The following DCC variants were observed in gnomAD, a reference collection of about 807,000 sequenced individuals.
The protein encoded by DCC is netrin receptor DCC.
DCC carries 58 observed loss-of-function variants against 172.5 expected under a neutral mutation model. The ratio of observed to expected loss-of-function variants is 0.34; its 90% confidence interval spans 0.27 to 0.42. The LOEUF (loss-of-function observed/expected upper bound fraction) is 0.42. Among genes scored for constraint, DCC ranks in the 10% least tolerant of loss-of-function variants. The pLI is 1.00. For missense variants in DCC, 1,740 were observed against 1,791.0 expected (o/e 0.97, Z 0.51); for synonymous variants, 709 against 644.5 (o/e 1.10, Z -1.52).
chr18:53,129,938 C>G (rs564658463), intron 7 of DCC, among the ~76,000 whole-genome samples: 15 of 152,140 alleles, frequency 9.9e-5, no homozygotes, highest in African/African-American at 3.1e-4. Context: ...TACAACATAA[C>G]TAAAATAAAA....
intron 1 of DCC, among the ~76,000 whole-genome samples, chr18:52,467,840 TGTC>T (rs1988831900): frequency 6.6e-6 from 1 of 152,246 alleles, no homozygotes; most frequent in Non-Finnish European, 1.5e-5. Flanking sequence ...GCCGCATAAA[TGTC>T]TTCTTTTGAG....
intron 1 of DCC, among the ~76,000 whole-genome samples, chr18:52,434,504 T>C (rs1490162651): frequency 6.6e-6 from 1 of 152,234 alleles, no homozygotes; most frequent in Non-Finnish European, 1.5e-5. Context: ...CCTACAAAAC[T>C]ATTTTTGAGA....
intron 2 of DCC, among the ~76,000 whole-genome samples, chr18:52,851,269 T>C (rs1217034398): frequency 6.6e-6 from 1 of 152,158 alleles, no homozygotes; most frequent in Non-Finnish European, 1.5e-5. Flanking sequence ...TCTTGGTGTT[T>C]ATTCAATTTT....
At chr18:53,079,277 C>T (rs1311213532) in intron 7 of DCC, among the ~76,000 whole-genome samples, 2 of 151,954 alleles carry the variant, frequency 1.3e-5, no homozygotes, top group African/African-American at 2.4e-5. Context: ...GACACGTAGA[C>T]CACCTGCTTT....
intron 7 of DCC, among the ~76,000 whole-genome samples, chr18:53,117,929 A>G (rs1057205721): frequency 1.3e-5 from 2 of 151,672 alleles, no homozygotes; most frequent in African/African-American, 2.4e-5. Context: ...AAATGTAAAC[A>G]TTCTTCTTGT....
At chr18:52,890,879 G>A (rs893479518) in intron 2 of DCC, among the ~76,000 whole-genome samples, 2 of 151,966 alleles carry the variant, frequency 1.3e-5, no homozygotes, top group Non-Finnish European at 1.5e-5. Context: ...CAAAGTCATA[G>A]AACCTGGCAA....
chr18:52,705,115 G>A (rs1406235778), intron 1 of DCC, among the ~76,000 whole-genome samples: 1 of 152,044 alleles, frequency 6.6e-6, no homozygotes, highest in Non-Finnish European at 1.5e-5. Context: ...TAACAAATTT[G>A]GTTTTCATAC....
At chr18:53,250,772 C>T (rs939277886) in intron 12 of DCC, among the ~76,000 whole-genome samples, 6 of 151,960 alleles carry the variant, frequency 3.9e-5, no homozygotes, top group Admixed American at 3.9e-4. Context: ...TAACTGCTTA[C>T]TCTCTGTTCT....
intron 7 of DCC, among the ~76,000 whole-genome samples, chr18:53,107,257 A>G (rs2043262280): frequency 6.6e-6 from 1 of 151,856 alleles, no homozygotes; most frequent in South Asian, 2.1e-4. Context: ...TGTCAAGAAC[A>G]GAAGGAAACA....
intron 2 of DCC, among the ~76,000 whole-genome samples, chr18:52,844,271 G>A (rs942811922): frequency 1.3e-5 from 2 of 151,884 alleles, no homozygotes; most frequent in African/African-American, 2.4e-5. Context: ...ATGAACCAGT[G>A]TCTGTTAAGA....
At chr18:53,386,002 A>T in intron 15 of DCC, 41 bp from the exon 16 acceptor site, 1 of 1,287,916 alleles carries the variant, frequency 7.8e-7, no homozygotes, top group Non-Finnish European at 1.1e-6. Context: ...TGATACATTA[A>T]ATATATCAAC....
chr18:52,916,416 G>A (rs996921998), intron 3 of DCC, among the ~76,000 whole-genome samples: 1 of 152,154 alleles, frequency 6.6e-6, no homozygotes, highest in African/African-American at 2.4e-5. Flanking sequence ...CTGCCACTGG[G>A]AGCTTGACAG....
At chr18:52,729,321 G>A (rs908421534) in intron 1 of DCC, among the ~76,000 whole-genome samples, 1 of 152,096 alleles carries the variant, frequency 6.6e-6, no homozygotes, top group Non-Finnish European at 1.5e-5. Context: ...GTGCAGTGGT[G>A]CAATCTCGGC....
At chr18:52,395,724 C>T (rs1426001527) in intron 1 of DCC, among the ~76,000 whole-genome samples, 1 of 151,994 alleles carries the variant, frequency 6.6e-6, no homozygotes, top group Non-Finnish European at 1.5e-5. Flanking sequence ...AAATCAGAAC[C>T]AATGTTATTC....
chr18:53,036,203 C>G (rs1030451078), intron 5 of DCC, among the ~76,000 whole-genome samples: 7 of 151,902 alleles, frequency 4.6e-5, no homozygotes, highest in African/African-American at 1.7e-4. Context: ...AATCTTTTCC[C>G]AAGTAGATTA....
At chr18:53,251,693 A>G (rs754146769) in intron 12 of DCC, among the ~76,000 whole-genome samples, 68 of 151,918 alleles carry the variant, frequency 4.5e-4, no homozygotes, top group Non-Finnish European at 1.6e-4. Context: ...GCATGCAAGT[A>G]GACACTGTAC....
intron 1 of DCC, among the ~76,000 whole-genome samples, chr18:52,359,097 T>C (rs1984507256): frequency 6.6e-6 from 1 of 152,156 alleles, no homozygotes. Context: ...GCATTTCCTA[T>C]TCCCTGTCTT....
At chr18:52,423,668 A>G (rs187933618) in intron 1 of DCC, among the ~76,000 whole-genome samples, 209 of 152,288 alleles carry the variant, frequency 1.4e-3, no homozygotes, top group Non-Finnish European at 2.2e-3. Flanking sequence ...GTTGTTTTCA[A>G]ATCAAACTTC....
chr18:53,169,381 C>A (rs867552126), intron 8 of DCC, among the ~76,000 whole-genome samples: 1 of 152,198 alleles, frequency 6.6e-6, no homozygotes, highest in Non-Finnish European at 1.5e-5. Context: ...GACAAGTTGT[C>A]TACAGACTTT....
Sources: gnomAD v4.1 joint callset for allele counts (sites outside exome capture counted in the v4.1 genomes callset) on GRCh38, gnomAD v4.1.1 for gene constraint, MANE v1.5 for transcripts, NCBI Gene and HGNC (gene_info 2026-07-23, HGNC 2026-07-21) for gene names.